The following GABBR2 variants were observed in gnomAD, a reference collection of about 807,000 sequenced individuals.
GABBR2 encodes the protein G-protein coupled receptor 51.
GABBR2 carries 23 observed loss-of-function variants against 105.6 expected under a neutral mutation model. The observed-to-expected ratio is 0.22, with a 90% CI of 0.16 to 0.31. The LOEUF (loss-of-function observed/expected upper bound fraction) is 0.31. Among genes scored for constraint, GABBR2 ranks in the 10% least tolerant of loss-of-function variants. GABBR2 has a pLI of 1.00. For missense variants in GABBR2, 734 were observed against 1,245.5 expected, an observed-to-expected ratio of 0.59 and a Z score of 6.18; for synonymous variants, 478 against 499.7, an observed-to-expected ratio of 0.96 and a Z score of 0.58.
intron 7 of GABBR2, among the ~76,000 whole-genome samples, chr9:98,450,735 G>A (rs1826216051): frequency 6.6e-6 from 1 of 152,154 alleles, no homozygotes; most frequent in Non-Finnish European, 1.5e-5. Flanking sequence ...TCACAAGCTG[G>A]AGCAGACAAA....
At chr9:98,535,498 T>A (rs1348269512) in intron 3 of GABBR2, among the ~76,000 whole-genome samples, 1 of 152,198 alleles carries the variant, frequency 6.6e-6, no homozygotes, top group Non-Finnish European at 1.5e-5. Flanking sequence ...AACAACTATT[T>A]ACCTAGCATT....
chr9:98,554,118 T>A (rs1209257636), intron 2 of GABBR2, among the ~76,000 whole-genome samples: 1 of 152,196 alleles, frequency 6.6e-6, no homozygotes, highest in Non-Finnish European at 1.5e-5. Context: ...GTTCTTAGAA[T>A]GACGTCCTCG....
chr9:98,304,824 G>C (rs1830525035), intron 15 of GABBR2, among the ~76,000 whole-genome samples: 1 of 152,188 alleles, frequency 6.6e-6, no homozygotes, highest in African/African-American at 2.4e-5. Context: ...AGGCTAGAGT[G>C]CAATGGCGCA....
intron 7 of GABBR2, among the ~76,000 whole-genome samples, chr9:98,448,599 G>T (rs1826178214): frequency 6.6e-6 from 1 of 151,716 alleles, no homozygotes. Context: ...GTATTTTTTT[G>T]TAGAGACAAG....
At chr9:98,459,118 G>A (rs1475781967) in intron 6 of GABBR2, among the ~76,000 whole-genome samples, 1 of 152,082 alleles carries the variant, frequency 6.6e-6, no homozygotes, top group Admixed American at 6.6e-5. Context: ...ATACACAACA[G>A]CCCCTCAAAG....
chr9:98,641,673 T>G (rs1181703382), intron 1 of GABBR2, among the ~76,000 whole-genome samples: 2 of 152,198 alleles, frequency 1.3e-5, no homozygotes, highest in Non-Finnish European at 2.9e-5. Flanking sequence ...AGGTTTTGAG[T>G]AGAGAATCCA....
At chr9:98,384,351 G>A (rs905098416) in intron 11 of GABBR2, among the ~76,000 whole-genome samples, 1 of 152,164 alleles carries the variant, frequency 6.6e-6, no homozygotes, top group African/African-American at 2.4e-5. Context: ...AATAACTAGG[G>A]AGGCCGAGGC....
At chr9:98,608,878 ACTTT>A (rs1300798548) in intron 1 of GABBR2, among the ~76,000 whole-genome samples, 2 of 152,238 alleles carry the variant, frequency 1.3e-5, no homozygotes, top group Admixed American at 6.5e-5. Flanking sequence ...CAACAAGGAA[ACTTT>A]CTTTAACTCC....
chr9:98,490,100 C>A (rs901820190), intron 4 of GABBR2, among the ~76,000 whole-genome samples: 6 of 152,084 alleles, frequency 3.9e-5, no homozygotes, highest in African/African-American at 1.2e-4. Context: ...CACGCAAAGC[C>A]CCTGTTCTGA....
intron 7 of GABBR2, among the ~76,000 whole-genome samples, chr9:98,444,616 A>G (rs1826088091): frequency 6.6e-6 from 1 of 152,214 alleles, no homozygotes; most frequent in South Asian, 2.1e-4. Flanking sequence ...GGGCAGTCAC[A>G]CAGCAAGGAT....
At chr9:98,502,332 G>A (rs1181531229) in intron 3 of GABBR2, among the ~76,000 whole-genome samples, 1 of 152,132 alleles carries the variant, frequency 6.6e-6, no homozygotes, top group African/African-American at 2.4e-5. Flanking sequence ...CTTCTGAGAA[G>A]GCCACAGTGC....
chr9:98,406,442 C>T (rs1448611575), intron 7 of GABBR2, among the ~76,000 whole-genome samples: 1 of 152,246 alleles, frequency 6.6e-6, no homozygotes, highest in Non-Finnish European at 1.5e-5. Flanking sequence ...CGTGTCCGTG[C>T]TATAATGGGG....
chr9:98,646,993 T>G (rs1830034830), intron 1 of GABBR2, among the ~76,000 whole-genome samples: 1 of 152,182 alleles, frequency 6.6e-6, no homozygotes, highest in Non-Finnish European at 1.5e-5. Flanking sequence ...GGGTCCCCCA[T>G]GATCTGTCTC....
chr9:98,593,406 G>A (rs982391906), intron 1 of GABBR2, among the ~76,000 whole-genome samples: 3 of 152,176 alleles, frequency 2.0e-5, no homozygotes, highest in Admixed American at 6.5e-5. Flanking sequence ...AGGGGTGAGA[G>A]ACCAGTGCAG....
chr9:98,411,401 C>T (rs1832588577), intron 7 of GABBR2, among the ~76,000 whole-genome samples: 1 of 152,096 alleles, frequency 6.6e-6, no homozygotes, highest in African/African-American at 2.4e-5. Context: ...AGTTCTTCTA[C>T]TTGAAAAATA....
intron 8 of GABBR2, among the ~76,000 whole-genome samples, chr9:98,397,373 C>T (rs972464286): frequency 3.3e-5 from 5 of 152,058 alleles, no homozygotes; most frequent in Non-Finnish European, 7.4e-5. Context: ...ACACCCATTA[C>T]GTGCCAGGCT....
At chr9:98,631,175 A>G (rs1034654015) in intron 1 of GABBR2, among the ~76,000 whole-genome samples, 4 of 152,310 alleles carry the variant, frequency 2.6e-5, no homozygotes, top group African/African-American at 7.2e-5. Flanking sequence ...TTGATTTTCA[A>G]CTCAGAAAAC....
At chr9:98,573,106 C>T (rs1010848358) in intron 2 of GABBR2, among the ~76,000 whole-genome samples, 6 of 152,184 alleles carry the variant, frequency 3.9e-5, no homozygotes, top group Non-Finnish European at 5.9e-5. Flanking sequence ...CCTCCGTCCA[C>T]CTATCCTCTG....
In GABBR2 at chr9:98,388,409, C is replaced by T. The variant is rs1292037352; in HGVS notation, c.1529+445G>A. Among the ~76,000 whole-genome samples, 5 of 152,104 alleles carry T rather than the reference C, an allele frequency of 3.3e-5. No homozygotes were observed. Among genetic ancestry groups the T allele is most frequent in the African/African-American group, 4.8e-5 (2 of 41,406 alleles). The stretch of plus-strand genomic sequence containing the variant: ...GAGTCCATTTCACTGGACTTTGTGA[C>T]CCCCTTCAGTGGTGATTCCCAGCGA... On this transcript the variant is annotated intron_variant, in intron 10 of 18. Coordinates refer to ENST00000259455, the MANE Select transcript of GABBR2 (RefSeq NM_005458.8). This position sits in a 1 kb window ranked among gnomAD's most constrained non-coding sequence, Gnocchi z 4.4.
Sources: allele counts gnomAD v4.1 joint callset (sites outside exome capture counted in the v4.1 genomes callset), GRCh38; gene constraint gnomAD v4.1.1; non-coding constraint Gnocchi (gnomAD v3.1); transcripts MANE v1.5; gene names NCBI Gene and HGNC (gene_info 2026-07-23, HGNC 2026-07-21).